The following TLN1 variants were observed in gnomAD, a reference collection of about 807,000 sequenced individuals.
TLN1 encodes the protein talin-1.
Under a neutral mutation model 292.3 loss-of-function variants are expected in TLN1, and 56 were observed. That is an observed-to-expected ratio of 0.19 (90% CI 0.15 to 0.24). TLN1 has a LOEUF of 0.24. Ranked by LOEUF, TLN1 falls within the 10% of genes least tolerant of loss-of-function variation. The probability of loss-of-function intolerance (pLI) is 1.00; values close to 1 mark genes in which losing one functional copy is unlikely to be tolerated. For synonymous variants in TLN1, 1,119 were observed against 1,253.7 expected, an observed-to-expected ratio of 0.89 and a Z score of 2.27; for missense variants, 2,433 against 3,248.2, an observed-to-expected ratio of 0.75 and a Z score of 6.10.
chr9:35,712,924 C>T lies in TLN1; in HGVS notation c.3472G>A (p.Val1158Met). 1 of 1,608,352 alleles carries T rather than the reference C, an allele frequency of 6.2e-7. No individual in the cohort carries two copies. The highest frequency in any genetic ancestry group is 8.5e-7 in the Non-Finnish European group (1 of 1,177,534). Residue 1158 changes from valine to methionine, a missense_variant, in exon 27 of 57, where the codon GTG becomes ATG. Val to Met is a conservative substitution (Grantham distance 21, BLOSUM62 1). Around this residue, in one of 7 missense-constraint regions of TLN1, gnomAD observed 1,384 missense variants for 1,699.6 expected, o/e 0.81. Transcript: ENST00000314888. ...QAIVLDTASD[V>M]LDKASSLIEE... ...ATGAGGCTGCTGGCCTTGTCCAGCACATCACTGGCCGTATCAAGTACAATG... is the reference window on the plus strand; with the variant it reads ...ATGAGGCTGCTGGCCTTGTCCAGCATATCACTGGCCGTATCAAGTACAATG...
Position 35,724,122 on chromosome 9 carries a change from C to T in TLN1, c.655-43G>A. On this transcript the variant is annotated intron_variant, in intron 6 of 56. Transcript: ENST00000314888. This position sits in a 1 kb window ranked among gnomAD's most constrained non-coding sequence, Gnocchi z 4.7. ...AGGAGGCGAATGTTGTGTGTGGGTG[C>T]AAGGACACGCACACTGTGCTTCCGA... 6.2e-7 allele frequency: 1 copy of T among 1,612,744 alleles called. No individual in the cohort carries two copies. The highest frequency in any genetic ancestry group is 1.1e-5 in the South Asian group (1 of 91,078).
chr9:35,697,462 T>G lies in TLN1; in HGVS notation c.*329A>C. The stretch of plus-strand genomic sequence containing the variant: ...ACGGTGAAGAGAGCTGATGAGGCTG[T>G]GGGGACTGGCCGGAAGCTGCTGGCA... On this transcript the variant is annotated 3_prime_UTR_variant, in exon 57 of 57. Transcript: ENST00000314888. 1 of 341,100 alleles carries G rather than the reference T, an allele frequency of 2.9e-6. No individual in the cohort carries two copies. Among genetic ancestry groups the G allele is most frequent in the East Asian group, 5.5e-5 (1 of 18,242 alleles). The allele number at this position is 341,100 out of a possible 1,614,324, so 21.1% of individuals were successfully genotyped here.
rs149966849 is a variant in TLN1 at position 35,724,948 on chromosome 9, C to T, written c.240G>A (p.Glu80=). ...TCAGGGGTCTCTGTTTCTTCCTGTACTCCATAGTGTCCTGTTAGGGCAGGA... is the reference window on the plus strand; with the variant it reads ...TCAGGGGTCTCTGTTTCTTCCTGTATTCCATAGTGTCCTGTTAGGGCAGGA... The part of the protein sequence containing the change: ...YYMLRNGDTM[E]YRKKQRPLKI... Residue 80 remains glutamate (E), a synonymous_variant, in exon 4 of 57, where the codon GAG becomes GAA. Transcript: ENST00000314888. The surrounding 1 kb of genome is among the most constrained non-coding windows in gnomAD (Gnocchi z 4.7). 486 of 1,614,176 alleles carry T rather than the reference C, an allele frequency of 3.0e-4. 4 individuals carry two copies. In the East Asian group the frequency reaches 8.0e-3, roughly 27 times the overall value.
At position 35,717,573 on chromosome 9, in the gene TLN1, G is replaced by A. The variant is rs998968667; in HGVS notation, c.2163+46C>T. On this transcript the variant is annotated intron_variant, in intron 18 of 56. Transcript: ENST00000314888. The surrounding 1 kb of genome is among the most constrained non-coding windows in gnomAD (Gnocchi z 4.7). ...AAAATGAAAGGCTCACGTGTGTGTGGTAGTATTACCCCTCAGCACGGACTA... is the reference window on the plus strand; with the variant it reads ...AAAATGAAAGGCTCACGTGTGTGTGATAGTATTACCCCTCAGCACGGACTA... 6.3e-7 allele frequency: 1 copy of A among 1,589,996 alleles called. No homozygotes were observed. Among genetic ancestry groups the A allele is most frequent in the Non-Finnish European group, 8.6e-7 (1 of 1,162,536 alleles).
chr9:35,706,595 G>A lies in TLN1; in HGVS notation c.5089-44C>T, dbSNP rs1825569519. 6.2e-7 allele frequency: 1 copy of A among 1,603,604 alleles called. No homozygotes were observed. The highest frequency in any genetic ancestry group is 1.7e-5 in the Admixed American group (1 of 59,942). ...TTAGCCCTGATGGTGACCTGCAATAGGACCCTCTGGCTACAAAGAACTGCT... is the reference window on the plus strand; with the variant it reads ...TTAGCCCTGATGGTGACCTGCAATAAGACCCTCTGGCTACAAAGAACTGCT... On this transcript the variant is annotated intron_variant, in intron 38 of 56. Coordinates refer to ENST00000314888, the MANE Select transcript of TLN1 (RefSeq NM_006289.4). This position sits in a 1 kb window ranked among gnomAD's most constrained non-coding sequence, Gnocchi z 4.2.
At chr9:35,715,723 G>A (rs1825765692) in intron 20 of TLN1, among the ~76,000 whole-genome samples, 1 of 152,214 alleles carries the variant, frequency 6.6e-6, no homozygotes, top group Non-Finnish European at 1.5e-5. Context: ...CAGGGTAGCA[G>A]CAAAGAAGGT....
Position 35,719,927 on chromosome 9 carries a change from T to C in TLN1, c.1465-74A>G, listed in dbSNP as rs935845446. 7.0e-6 allele frequency: 11 copies of C among 1,577,032 alleles called. No individual in the cohort carries two copies. The highest frequency in any genetic ancestry group is 8.6e-6 in the Non-Finnish European group (10 of 1,157,072). On this transcript the variant is annotated intron_variant, in intron 13 of 56. Coordinates refer to ENST00000314888, the MANE Select transcript of TLN1 (RefSeq NM_006289.4). This position sits in a 1 kb window ranked among gnomAD's most constrained non-coding sequence, Gnocchi z 4.6. ...AAGAGAAGGTAAAAGAGAACCAGGG[T>C]CTAGGGAGAGAATACAAATAGGGAC...
chr9:35,709,656 A>C (rs1825625408), intron 33 of TLN1, among the ~76,000 whole-genome samples: 1 of 151,776 alleles, frequency 6.6e-6, no homozygotes, highest in Non-Finnish European at 1.5e-5. Context: ...TGGGAGGTCG[A>C]GACGGGCGGA....
In TLN1 at chr9:35,704,109, G is replaced by C; in HGVS notation, c.6113C>G (p.Ala2038Gly). 1 of 1,613,452 alleles carries C rather than the reference G, an allele frequency of 6.2e-7. No homozygotes were observed. Among genetic ancestry groups the C allele is most frequent in the Middle Eastern group, 1.6e-4 (1 of 6,062 alleles). The stretch of plus-strand genomic sequence containing the variant: ...CTGCGCCAACTTCTCCTGGCTCCCA[G>C]CTGCGTTTTGCACCAGGACCTTGGT... ...EDTKVLVQNA[A>G]GSQEKLAQAA... Residue 2038 changes from alanine to glycine, a missense_variant, in exon 46 of 57, where the codon GCT becomes GGT. Transcript: ENST00000314888. This position sits in a 1 kb window ranked among gnomAD's most constrained non-coding sequence, Gnocchi z 6.9.
At position 35,706,686 on chromosome 9, in the gene TLN1, C is replaced by T; in HGVS notation, c.5088+82G>A. 1 of 1,587,262 alleles carries T rather than the reference C, an allele frequency of 6.3e-7. No homozygotes were observed. The highest frequency in any genetic ancestry group is 8.6e-7 in the Non-Finnish European group (1 of 1,166,294). The stretch of plus-strand genomic sequence containing the variant: ...CCCAGCCTTTGATGTCCCTAAGAAG[C>T]CACTCCTTGATCCCCCAGCTTCTTT... On this transcript the variant is annotated intron_variant, in intron 38 of 56. Coordinates refer to ENST00000314888, the MANE Select transcript of TLN1 (RefSeq NM_006289.4). The surrounding 1 kb of genome is among the most constrained non-coding windows in gnomAD (Gnocchi z 4.2).
Position 35,707,242 on chromosome 9 carries a change from G to A in TLN1, c.4785C>T (p.Ala1595=). 6.2e-7 allele frequency: 1 copy of A among 1,603,034 alleles called. No individual in the cohort carries two copies. The highest frequency in any genetic ancestry group is 8.5e-7 in the Non-Finnish European group (1 of 1,172,516). ...TGGCAGAGATCACAATGGGCTCCAT[G>A]GCAGCCCGACCCTGGGGAGAGGGGA... is the stretch of plus-strand genomic sequence containing the variant. The part of the protein sequence containing the change: ...PAQISPEGRA[A]MEPIVISAKT... The change falls in exon 37 of 57, where the codon GCC becomes GCT. Residue 1595 remains alanine (A), a synonymous_variant. Transcript: ENST00000314888. This position sits in a 1 kb window ranked among gnomAD's most constrained non-coding sequence, Gnocchi z 5.6.
rs898438785 is a variant in TLN1, at chr9:35,717,045, G to A, written c.2458+101C>T. On this transcript the variant is annotated intron_variant, in intron 19 of 56. Transcript: ENST00000314888. This position sits in a 1 kb window ranked among gnomAD's most constrained non-coding sequence, Gnocchi z 4.7. The stretch of plus-strand genomic sequence containing the variant: ...GGCTGGCAAGCCCACACTGTGCTGA[G>A]TTCCTTGGGGTGAAGTGGTTAGGTC... 2.9e-6 allele frequency: 4 copies of A among 1,373,640 alleles called. No individual in the cohort carries two copies. The African/African-American group carries it at 5.8e-5, about 20-fold the overall frequency. The allele number at this position is 1,373,640 out of a possible 1,614,324, so 85.1% of individuals were successfully genotyped here. A position where few individuals can be genotyped will look rare whatever the true frequency, so the allele number is the denominator to read the frequency against.
In TLN1 at chr9:35,697,430, T is replaced by C. The variant is rs1206720520; in HGVS notation, c.*361A>G. On this transcript the variant is annotated 3_prime_UTR_variant, in exon 57 of 57. Transcript: ENST00000314888. The stretch of plus-strand genomic sequence containing the variant: ...TAGCTGGGGGTGGGGGAAGATAGTA[T>C]CAAAAAACGGTGAAGAGAGCTGATG... The C allele has an allele frequency of 4.0e-6, 1 of 252,756 alleles. No individual in the cohort carries two copies. The highest frequency in any genetic ancestry group is 8.5e-5 in the East Asian group (1 of 11,788). 15.7% of individuals were successfully genotyped at this position (252,756 alleles called of 1,614,324 possible). A position where few individuals can be genotyped will look rare whatever the true frequency, so the allele number is the denominator to read the frequency against.
At chr9:35,725,099 CTG>C (rs1825946691) in intron 3 of TLN1, 123 bp downstream of exon 3, 1 of 1,533,618 alleles carries the variant, frequency 6.5e-7, no homozygotes, top group East Asian at 2.3e-5. Context: ...TTATGACTGT[CTG>C]TTAATAGGAA....
chr9:35,703,511 G>T, intron 48 of TLN1, 49 bp downstream of exon 48: 1 of 1,526,836 alleles, frequency 6.5e-7, no homozygotes, highest in Non-Finnish European at 9.1e-7. Context: ...CAGGCTTTCA[G>T]GATCCCTCTC....
chr9:35,699,238 G>A lies in TLN1; in HGVS notation c.6875-82C>T. The A allele has an allele frequency of 6.4e-7, 1 of 1,561,430 alleles. No individual in the cohort carries two copies. Among genetic ancestry groups the A allele is most frequent in the Middle Eastern group, 1.7e-4 (1 of 5,790 alleles). ...CCAGGGAGCATGGTTAGTATCATCA[G>A]GCCCTGGCATCTGTGGGGACTATGG... On this transcript the variant is annotated intron_variant, in intron 51 of 56. Coordinates refer to ENST00000314888, the MANE Select transcript of TLN1 (RefSeq NM_006289.4). The surrounding 1 kb of genome is among the most constrained non-coding windows in gnomAD (Gnocchi z 4.0).
chr9:35,703,844 A>C lies in TLN1; in HGVS notation c.6288T>G (p.Ser2096Arg), dbSNP rs764082603. ...DVAKALGDLI[S>R]ATKAAAGKVG... ...CTTTGCCAGCTGCAGCCTTCGTTGC[A>C]CTGATGAGGTCTCCCAGGGCTTTGG... The change falls in exon 47 of 57, where the codon AGT becomes AGG. Residue 2096 changes from serine to arginine, a missense_variant. Coordinates refer to ENST00000314888, the MANE Select transcript of TLN1 (RefSeq NM_006289.4). 1.9e-6 allele frequency: 3 copies of C among 1,614,212 alleles called. No homozygotes were observed. Among genetic ancestry groups the C allele is most frequent in the Non-Finnish European group, 2.5e-6 (3 of 1,180,044 alleles).
In TLN1 at chr9:35,699,961, C is replaced by A. The variant is rs199643101; in HGVS notation, c.6768+13G>T. ...GGAGGCTGGTATGAGGAACAAGCAA[C>A]GCCCTCCCTTACCAGCAGTACATGG... On this transcript the variant is annotated intron_variant, in intron 50 of 56. Transcript: ENST00000314888. The surrounding 1 kb of genome is among the most constrained non-coding windows in gnomAD (Gnocchi z 4.0). The A allele has an allele frequency of 4.4e-6, 7 of 1,600,534 alleles. No individual in the cohort carries two copies. Among genetic ancestry groups the A allele is most frequent in the Middle Eastern group, 1.7e-4 (1 of 6,006 alleles).
At chr9:35,718,756 G>A (rs925388410) in intron 17 of TLN1, 56 bp downstream of exon 17, 34 of 1,484,638 alleles carry the variant, frequency 2.3e-5, no homozygotes, top group African/African-American at 1.8e-4. Flanking sequence ...CTGGATTCAC[G>A]AGCAGAAGTT....
Sources: gnomAD v4.1 joint callset for allele counts (sites outside exome capture counted in the v4.1 genomes callset) on GRCh38, gnomAD v4.1.1 for gene constraint, gnomAD v4.1.1 regional missense constraint, Gnocchi (gnomAD v3.1) non-coding constraint, MANE v1.5 for transcripts, NCBI Gene and HGNC (gene_info 2026-07-23, HGNC 2026-07-21) for gene names.